The following PCDH7 variants were observed in gnomAD, a reference collection of about 807,000 sequenced individuals.
The protein encoded by PCDH7 is protocadherin-7.
Under a neutral mutation model 58.9 loss-of-function variants are expected in PCDH7, and 17 were observed. The observed-to-expected ratio is 0.29, with a 90% CI of 0.20 to 0.43. The LOEUF is 0.43. Among genes scored for constraint, PCDH7 ranks in the 20% least tolerant of loss-of-function variants. PCDH7 has a pLI of 1.00. For synonymous variants in PCDH7, 664 were observed against 616.4 expected, an observed-to-expected ratio of 1.08 and a Z score of -1.14; for missense variants, 1,274 against 1,441.0, an observed-to-expected ratio of 0.88 and a Z score of 1.88.
intron 3 of PCDH7, among the ~76,000 whole-genome samples, chr4:31,116,734 G>T (rs1178937112): frequency 1.3e-5 from 2 of 152,212 alleles, no homozygotes; most frequent in Non-Finnish European, 1.5e-5. Context: ...CAAGGTGAGT[G>T]TGAGTGTCAA....
chr4:31,068,446 G>A (rs189691537), intron 3 of PCDH7, among the ~76,000 whole-genome samples: 1 of 152,134 alleles, frequency 6.6e-6, no homozygotes, highest in Admixed American at 6.6e-5. Flanking sequence ...TGTAGGAACT[G>A]TATTAGGCTT....
intron 3 of PCDH7, among the ~76,000 whole-genome samples, chr4:30,978,740 T>C (rs1750291108): frequency 6.6e-6 from 1 of 152,212 alleles, no homozygotes; most frequent in South Asian, 2.1e-4. Context: ...ATACTTCTTT[T>C]GTTTTAGTAA....
rs185131200 is a variant in PCDH7, at chr4:30,820,484, A to G, written c.70+95888A>G. Among the ~76,000 whole-genome samples, 5 of 152,294 alleles carry G rather than the reference A, an allele frequency of 3.3e-5. No individual in the cohort carries two copies. The East Asian group carries it at 7.7e-4, about 24-fold the overall frequency. On this transcript the variant is annotated intron_variant, in intron 1 of 3. Transcript: ENST00000509759. Reference sequence around the variant, plus strand: ...CTACTTCTTGTGTATGAAGAACCACATTGGCAGCAAACAGTGAAAGATGAT... The same window carrying G: ...CTACTTCTTGTGTATGAAGAACCACGTTGGCAGCAAACAGTGAAAGATGAT...
At chr4:31,025,098 C>T (rs186309932) in intron 3 of PCDH7, among the ~76,000 whole-genome samples, 12 of 152,242 alleles carry the variant, frequency 7.9e-5, no homozygotes, top group African/African-American at 2.6e-4. Flanking sequence ...ATGGAGAAAT[C>T]GTGATCCTGT....
At chr4:31,038,730 T>C (rs2109200060) in intron 3 of PCDH7, among the ~76,000 whole-genome samples, 1 of 152,312 alleles carries the variant, frequency 6.6e-6, no homozygotes, top group South Asian at 2.1e-4. Context: ...ATGTTGTATG[T>C]TATTGGAAAA....
At chr4:31,123,017 T>C (rs1008827086) in intron 3 of PCDH7, among the ~76,000 whole-genome samples, 2 of 152,032 alleles carry the variant, frequency 1.3e-5, no homozygotes, top group Non-Finnish European at 1.5e-5. Flanking sequence ...AATTATTTTA[T>C]AATTATTTTT....
intron 2 of PCDH7, among the ~76,000 whole-genome samples, chr4:30,944,605 G>A (rs934443355): frequency 2.6e-5 from 4 of 152,028 alleles, no homozygotes; most frequent in African/African-American, 9.7e-5. Context: ...CAATCCAGTG[G>A]GGGAGACTGT....
chr4:31,140,726 A>G (rs1720149492), intron 3 of PCDH7, among the ~76,000 whole-genome samples: 1 of 152,120 alleles, frequency 6.6e-6, no homozygotes, highest in Admixed American at 6.6e-5. Flanking sequence ...AAATTTGTCA[A>G]TAATTTGATT....
intron 1 of PCDH7, among the ~76,000 whole-genome samples, chr4:30,873,773 T>G (rs1735922190): frequency 6.6e-6 from 1 of 152,062 alleles, no homozygotes; most frequent in Admixed American, 6.6e-5. Flanking sequence ...TTTGGATAAA[T>G]TCAAATCCAT....
intron 3 of PCDH7, among the ~76,000 whole-genome samples, chr4:31,137,560 G>T (rs745349731): frequency 6.6e-6 from 1 of 152,202 alleles, no homozygotes; most frequent in Admixed American, 6.5e-5. Flanking sequence ...CTCCAGCCTG[G>T]ATGACAGAGC....
chr4:30,899,643 C>T (rs1007001017), intron 1 of PCDH7, among the ~76,000 whole-genome samples: 5 of 152,202 alleles, frequency 3.3e-5, no homozygotes, highest in South Asian at 2.1e-4. Flanking sequence ...TTACTGTTCA[C>T]TCCATCTTTT....
intron 3 of PCDH7, among the ~76,000 whole-genome samples, chr4:31,024,192 C>CT (rs1383091293): frequency 1.3e-5 from 2 of 152,166 alleles, no homozygotes; most frequent in East Asian, 1.9e-4. Flanking sequence ...AAAATATGCG[C>CT]TTTTTTCAGA....
At chr4:31,052,062 A>C (rs1756792671) in intron 3 of PCDH7, among the ~76,000 whole-genome samples, 2 of 152,156 alleles carry the variant, frequency 1.3e-5, no homozygotes, top group Admixed American at 6.6e-5. Flanking sequence ...ATATAATAAT[A>C]GAAGGCTAAT....
intron 3 of PCDH7, among the ~76,000 whole-genome samples, chr4:30,973,401 A>T (rs1245341444): frequency 6.6e-6 from 1 of 152,194 alleles, no homozygotes; most frequent in African/African-American, 2.4e-5. Flanking sequence ...GCACCCTTTG[A>T]TTGACATACA....
intron 3 of PCDH7, among the ~76,000 whole-genome samples, chr4:31,018,655 G>T (rs1357399019): frequency 6.6e-6 from 1 of 152,120 alleles, no homozygotes; most frequent in Non-Finnish European, 1.5e-5. Flanking sequence ...GCCAAAATCT[G>T]CAACTACCTG....
At chr4:30,911,898 T>A (rs1741824765) in intron 1 of PCDH7, among the ~76,000 whole-genome samples, 1 of 152,024 alleles carries the variant, frequency 6.6e-6, no homozygotes, top group Non-Finnish European at 1.5e-5. Context: ...AAAAAAAAAA[T>A]TAATATCATT....
chr4:31,102,931 A>G (rs1715087395), intron 3 of PCDH7, among the ~76,000 whole-genome samples: 1 of 152,094 alleles, frequency 6.6e-6, no homozygotes, highest in East Asian at 1.9e-4. Context: ...GTGTCATAGA[A>G]CTCTACGACA....
rs555999403 is a variant in PCDH7, at chr4:30,813,068, A to G, written c.70+88472A>G. On this transcript the variant is annotated intron_variant, in intron 1 of 3. Transcript: ENST00000509759. ...AACTTTTGCAGATCAATCTTAGCCT[A>G]TAGGAGAGCTGCTGGAAATAAAAGC... is the stretch of plus-strand genomic sequence containing the variant. Among the ~76,000 whole-genome samples the G allele has an allele frequency of 4.6e-5, 7 of 152,292 alleles. No individual in the cohort carries two copies. The South Asian group carries it at 1.4e-3, about 32-fold the overall frequency.
chr4:31,038,046 A>G, intron 3 of PCDH7, among the ~76,000 whole-genome samples: 1 of 152,262 alleles, frequency 6.6e-6, no homozygotes. Flanking sequence ...GCCCAGGCCA[A>G]GACTCTGGAG....
Sources: allele counts gnomAD v4.1 joint callset (sites outside exome capture counted in the v4.1 genomes callset), GRCh38; gene constraint gnomAD v4.1.1; transcripts MANE v1.5; gene names NCBI Gene and HGNC (gene_info 2026-07-23, HGNC 2026-07-21).